HLCS: variants seen among roughly 807,000 people sequenced by gnomAD.
HLCS encodes the protein biotin--protein ligase.
Under a neutral mutation model 75.0 loss-of-function variants are expected in HLCS, and 53 were observed. The ratio of observed to expected loss-of-function variants is 0.71; its 90% CI spans 0.57 to 0.89. The LOEUF is 0.89. HLCS is among the 40% of genes least tolerant of loss of function. The pLI is 0.00. For missense variants in HLCS, 966 were observed against 1,074.0 expected, an observed-to-expected ratio of 0.90 and a Z score of 1.41; for synonymous variants, 431 against 428.6, an observed-to-expected ratio of 1.01 and a Z score of -0.07.
chr21:36,937,069 C>T lies in HLCS; in HGVS notation c.817G>A (p.Glu273Lys), dbSNP rs746588785. The T allele has an allele frequency of 1.2e-5, 19 of 1,613,984 alleles. No individual in the cohort carries two copies. In the African/African-American group the frequency reaches 2.3e-4, roughly 19 times the overall value. ...TCGTAGGGAAGGTCTGGAATGTTCT[C>T]GGCAGACGCAAACTTGACTGACTCA... ...TIESVKFASAENIPDLPYDYS... is the reference protein window; with the variant it reads ...TIESVKFASAKNIPDLPYDYS... The change falls in exon 4 of 11, where the codon GAG becomes AAG. Residue 273 changes from glutamate to lysine, a missense_variant. Transcript: ENST00000674895.
At chr21:36,757,031 T>C in intron 9 of HLCS, 1 of 821,138 alleles carries the variant, frequency 1.2e-6, no homozygotes, top group South Asian at 5.6e-5. Flanking sequence ...TTCAATTTAA[T>C]TCAATAGAAG....
chr21:36,792,130 G>A (rs568416435), intron 6 of HLCS, among the ~76,000 whole-genome samples: 1 of 151,994 alleles, frequency 6.6e-6, no homozygotes, highest in South Asian at 2.1e-4. Context: ...TCTCAGCACC[G>A]GGTCCCTAAA....
At chr21:36,918,855 A>G (rs928651214) in intron 5 of HLCS, among the ~76,000 whole-genome samples, 4 of 152,236 alleles carry the variant, frequency 2.6e-5, no homozygotes, top group African/African-American at 9.6e-5. Context: ...TTTCTCTCTC[A>G]CATTTGTTTT....
intron 6 of HLCS, among the ~76,000 whole-genome samples, chr21:36,794,572 G>A (rs938467303): frequency 6.6e-6 from 1 of 152,144 alleles, no homozygotes; most frequent in East Asian, 1.9e-4. Flanking sequence ...ATGCTGGTTG[G>A]GGGACAGATT....
rs1393631166 is a variant in HLCS at position 36,905,938 on chromosome 21, T to C, written c.1621-8807A>G. Among the ~76,000 whole-genome samples, 3 of 150,844 alleles carry C rather than the reference T, an allele frequency of 2.0e-5. No homozygotes were observed. The East Asian group carries it at 5.9e-4, about 29-fold the overall frequency. ...GGTGGCACACACCTATAATCTCAGG[T>C]ACTTGGGAGGCTGAGACACGAGAAT... On this transcript the variant is annotated intron_variant, in intron 5 of 10. Transcript: ENST00000674895.
rs1342457304 is a variant in HLCS at position 36,897,106 on chromosome 21, C to T, written c.1646G>A (p.Trp549Ter). 8.1e-6 allele frequency: 13 copies of T among 1,614,114 alleles called. No homozygotes were observed. Among genetic ancestry groups the T allele is most frequent in the Non-Finnish European group, 1.1e-5 (13 of 1,180,018 alleles). ...AEEIRDPLMQ[W>*]LGKHVDSEGE... ...CTCGGAGTCCACATGTTTCCCAAGCCACTGCATAAGAGGATCCCTGATTTC... is the reference window on the plus strand; with the variant it reads ...CTCGGAGTCCACATGTTTCCCAAGCTACTGCATAAGAGGATCCCTGATTTC... Residue 549 changes from tryptophan to a stop codon, truncating the protein, a stop_gained, in exon 6 of 11, where the codon TGG becomes TAG. Coordinates refer to ENST00000674895, the MANE Select transcript of HLCS (RefSeq NM_001352514.2). LOFTEE classifies it high-confidence loss of function.
At chr21:36,869,046 C>T (rs1330738640) in intron 6 of HLCS, among the ~76,000 whole-genome samples, 1 of 109,340 alleles carries the variant, frequency 9.1e-6, no homozygotes, top group African/African-American at 6.0e-5. Flanking sequence ...AAGGAAACAA[C>T]TGCAACTTTT....
chr21:36,909,514 T>C (rs1211084139), intron 5 of HLCS, among the ~76,000 whole-genome samples: 2 of 152,218 alleles, frequency 1.3e-5, no homozygotes, highest in African/African-American at 4.8e-5. Context: ...GACTACTCTA[T>C]GGTGGGTAAA....
At chr21:36,864,432 T>C (rs1474335891) in intron 6 of HLCS, among the ~76,000 whole-genome samples, 2 of 152,080 alleles carry the variant, frequency 1.3e-5, no homozygotes, top group Non-Finnish European at 2.9e-5. Context: ...ACATTTCCTT[T>C]AGTCAAAAAT....
Position 36,836,602 on chromosome 21 carries a change from G to C in HLCS, c.1892+60258C>G, listed in dbSNP as rs377331574. 3.6e-4 allele frequency among the ~76,000 whole-genome samples: 54 copies of C among 151,086 alleles called. No individual in the cohort carries two copies. The East Asian group carries it at 6.3e-3, about 18-fold the overall frequency. ...ACCCACAAAATGGGAGAAAATTTTCGCAACCTACTCATCTGACAAAGGGCT... is the reference window on the plus strand; with the variant it reads ...ACCCACAAAATGGGAGAAAATTTTCCCAACCTACTCATCTGACAAAGGGCT... On this transcript the variant is annotated intron_variant, in intron 6 of 10. Coordinates refer to ENST00000674895, the MANE Select transcript of HLCS (RefSeq NM_001352514.2).
At chr21:36,947,031 C>G (rs137970805) in intron 2 of HLCS, among the ~76,000 whole-genome samples, 103 of 152,232 alleles carry the variant, frequency 6.8e-4, no homozygotes, top group African/African-American at 2.4e-3. Context: ...AACAGGGAAA[C>G]GAACAGGGCA....
chr21:36,754,984 T>C (rs373876143), intron 10 of HLCS, among the ~76,000 whole-genome samples: 1 of 152,342 alleles, frequency 6.6e-6, no homozygotes, highest in East Asian at 1.9e-4. Flanking sequence ...GAAAGAATAG[T>C]GCAACAAACC....
At chr21:36,852,207 C>T (rs1311547775) in intron 6 of HLCS, among the ~76,000 whole-genome samples, 5 of 152,260 alleles carry the variant, frequency 3.3e-5, no homozygotes, top group Admixed American at 6.5e-5. Flanking sequence ...TCTGGTCTCA[C>T]CTTCCAGAAT....
chr21:36,960,754 C>T (rs1031410486), intron 2 of HLCS, among the ~76,000 whole-genome samples: 3 of 152,132 alleles, frequency 2.0e-5, no homozygotes, highest in African/African-American at 7.2e-5. Flanking sequence ...GGAACAATGG[C>T]GGGTGAGGAC....
chr21:36,936,493 G>A lies in HLCS; in HGVS notation c.1393C>T (p.His465Tyr). 1.9e-6 allele frequency: 3 copies of A among 1,614,232 alleles called. No individual in the cohort carries two copies. Among genetic ancestry groups the A allele is most frequent in the South Asian group, 2.2e-5 (2 of 91,084 alleles). The change falls in exon 4 of 11, where the codon CAT becomes TAT. Residue 465 changes from histidine (H) to tyrosine (Y), a missense_variant. Physicochemically the swap from His to Tyr is moderately conservative, Grantham distance 83. Coordinates refer to ENST00000674895, the MANE Select transcript of HLCS (RefSeq NM_001352514.2). ...ENEDKDRMIV[H>Y]VPFGTRGGEA... ...CCCCCGCGAGTTCCAAAAGGCACAT[G>A]CACAATCATCCTGTCCTTGTCCTCA...
chr21:36,817,398 C>G (rs1300283751), intron 6 of HLCS, among the ~76,000 whole-genome samples: 1 of 152,166 alleles, frequency 6.6e-6, no homozygotes, highest in Non-Finnish European at 1.5e-5. Flanking sequence ...AAAGTCATCA[C>G]AGATCTTATG....
upstream of HLCS, among the ~76,000 whole-genome samples, chr21:36,970,827 T>C (rs73196087): frequency 0.41 from 62,001 of 151,538 alleles, 13,402 homozygotes; most frequent in South Asian, 0.53. Flanking sequence ...CCCGTCTCTA[T>C]TAAAAAATAC....
intron 5 of HLCS, among the ~76,000 whole-genome samples, 197 bp downstream of exon 5, chr21:36,930,054 T>C (rs891676649): frequency 6.6e-6 from 1 of 152,240 alleles, no homozygotes; most frequent in Non-Finnish European, 1.5e-5. Flanking sequence ...TAAACTCTAC[T>C]AGTTGGCCCT....
At chr21:36,944,170 C>G (rs748981327) in intron 2 of HLCS, 2 of 152,120 alleles carry the variant, frequency 1.3e-5, no homozygotes, top group Non-Finnish European at 2.9e-5. Context: ...TATGATGATT[C>G]TCATACAAAA....
Sources: gnomAD v4.1 joint callset for allele counts (sites outside exome capture counted in the v4.1 genomes callset) on GRCh38, gnomAD v4.1.1 for gene constraint, MANE v1.5 for transcripts, NCBI Gene and HGNC (gene_info 2026-07-23, HGNC 2026-07-21) for gene names.